The following EPSTI1 variants were observed in gnomAD, a reference collection of about 807,000 sequenced individuals.
EPSTI1 encodes the protein epithelial stromal interaction 1, also known as epithelial-stromal interaction protein 1.
A neutral mutation model predicts 49.9 loss-of-function variants in EPSTI1; 66 were observed. That is an observed-to-expected ratio of 1.32 (90% CI 1.08 to 1.62). The LOEUF (loss-of-function observed/expected upper bound fraction) is 1.62. Among genes scored for constraint, EPSTI1 ranks in the 40% most tolerant of loss-of-function variants. EPSTI1 has a pLI of 0.00. For synonymous variants in EPSTI1, 137 were observed against 130.7 expected (o/e 1.05, Z -0.33); for missense variants, 394 against 365.5 (o/e 1.08, Z -0.64).
chr13:42,911,686 G>A (rs1442117929), intron 8 of EPSTI1, among the ~76,000 whole-genome samples: 1 of 152,030 alleles, frequency 6.6e-6, no homozygotes, highest in East Asian at 1.9e-4. Flanking sequence ...CCGTGTATTT[G>A]CATTTTTACT....
chr13:42,970,840 T>C (rs1167407487), intron 1 of EPSTI1, among the ~76,000 whole-genome samples, 170 bp from the exon 2 acceptor site: 1 of 152,214 alleles, frequency 6.6e-6, no homozygotes, highest in African/African-American at 2.4e-5. Flanking sequence ...GACCTCACAA[T>C]CTTGATGTCA....
chr13:42,953,840 G>A (rs1372532983), intron 6 of EPSTI1, 108 bp downstream of exon 6: 7 of 792,410 alleles, frequency 8.8e-6, no homozygotes, highest in Non-Finnish European at 1.2e-5. Flanking sequence ...TAATACAACA[G>A]CCAATAATCC....
chr13:42,989,844 C>T (rs1296293629), intron 1 of EPSTI1, among the ~76,000 whole-genome samples: 4 of 151,866 alleles, frequency 2.6e-5, no homozygotes, highest in Admixed American at 6.6e-5. Flanking sequence ...CCGCCCTCCT[C>T]GGCCTCCCAA....
At chr13:42,989,595 T>C (rs2153437394) in intron 1 of EPSTI1, among the ~76,000 whole-genome samples, 1 of 108,372 alleles carries the variant, frequency 9.2e-6, no homozygotes, top group East Asian at 2.8e-4. Flanking sequence ...CTTTTTGTTT[T>C]GTTTTGTTTT....
chr13:42,911,269 G>A (rs1000260284), intron 8 of EPSTI1, among the ~76,000 whole-genome samples: 3 of 138,084 alleles, frequency 2.2e-5, no homozygotes, highest in Middle Eastern at 3.6e-3. Context: ...GTGTGTGCGC[G>A]CGCACGCGCG....
intron 1 of EPSTI1, among the ~76,000 whole-genome samples, chr13:42,974,764 C>A (rs1431525792): frequency 6.6e-6 from 1 of 152,056 alleles, no homozygotes; most frequent in Admixed American, 6.5e-5. Flanking sequence ...AATAAGTACT[C>A]TGAAAAAATG....
At chr13:42,949,528 G>A (rs112858736) in intron 6 of EPSTI1, among the ~76,000 whole-genome samples, 3 of 149,066 alleles carry the variant, frequency 2.0e-5, no homozygotes, top group African/African-American at 7.4e-5. Context: ...GGAGGCAGCA[G>A]TTGCAGTGAG....
chr13:42,904,534 T>G (rs2037444805), intron 8 of EPSTI1, among the ~76,000 whole-genome samples: 2 of 152,232 alleles, frequency 1.3e-5, no homozygotes, highest in Admixed American at 6.5e-5. Context: ...CGTATACATC[T>G]CTTGCAGAAG....
rs549382438 is a variant in EPSTI1, at chr13:42,958,983, G to A, written c.489+4272C>T. ...GCATAAAAATAATAATACTCTCTAC[G>A]CCCCCCTTCCAAGAGGTTGATATAA... On this transcript the variant is annotated intron_variant, in intron 5 of 10. Transcript: ENST00000313624. Among the ~76,000 whole-genome samples the A allele has an allele frequency of 3.3e-5, 5 of 152,048 alleles. No homozygotes were observed. The East Asian group carries it at 5.8e-4, about 18-fold the overall frequency.
At chr13:42,894,265 G>T (rs1408164) in intron 10 of EPSTI1, among the ~76,000 whole-genome samples, 77,115 of 152,020 alleles carry the variant, frequency 0.51, 20,199 homozygotes, top group East Asian at 0.79. Flanking sequence ...TTGTTGTATT[G>T]TGACCAATTT....
chr13:42,910,351 T>C (rs2037633634), intron 8 of EPSTI1, among the ~76,000 whole-genome samples: 2 of 147,882 alleles, frequency 1.4e-5, no homozygotes, highest in South Asian at 4.4e-4. Context: ...AACCTCCGGC[T>C]CCTGGGTTCA....
At chr13:42,931,524 C>T (rs1476163686) in intron 6 of EPSTI1, among the ~76,000 whole-genome samples, 1 of 152,230 alleles carries the variant, frequency 6.6e-6, no homozygotes, top group African/African-American at 2.4e-5. Flanking sequence ...GCTTTTAATG[C>T]CAGGGGGCGA....
intron 1 of EPSTI1, among the ~76,000 whole-genome samples, chr13:42,988,899 G>A (rs2040133990): frequency 6.6e-6 from 1 of 151,864 alleles, no homozygotes; most frequent in Non-Finnish European, 1.5e-5. Flanking sequence ...TCACTCTGTT[G>A]CCCAGGCTGG....
chr13:42,989,616 C>CA, intron 1 of EPSTI1, among the ~76,000 whole-genome samples: 1 of 96,912 alleles, frequency 1.0e-5, no homozygotes, highest in African/African-American at 4.2e-5. Context: ...GTTTTTGAGA[C>CA]AGAGTCTCAC....
At chr13:42,911,471 G>A (rs1053198983) in intron 8 of EPSTI1, among the ~76,000 whole-genome samples, 1 of 152,094 alleles carries the variant, frequency 6.6e-6, no homozygotes, top group African/African-American at 2.4e-5. Context: ...GCCTCCTGGG[G>A]GAAGTAATTC....
intron 6 of EPSTI1, among the ~76,000 whole-genome samples, chr13:42,945,494 G>A (rs887222065): frequency 1.1e-4 from 17 of 152,168 alleles, no homozygotes; most frequent in Admixed American, 4.6e-4. Context: ...GGTTCCCCAC[G>A]GTGTGGCTAA....
intron 1 of EPSTI1, among the ~76,000 whole-genome samples, chr13:42,978,189 G>A (rs993164232): frequency 4.6e-5 from 7 of 151,788 alleles, no homozygotes; most frequent in African/African-American, 1.7e-4. Context: ...CCAAGGTTGA[G>A]GACGCACCCA....
At position 42,992,166 on chromosome 13, in the gene EPSTI1, G is replaced by A; in HGVS notation, c.-1C>T. ...TCACCACTCTATTGCGGGTGTTCAT[G>A]GTTCACAGCCCGCGGGTCCCGGGCC... is the stretch of plus-strand genomic sequence containing the variant. On this transcript the variant is annotated 5_prime_UTR_variant, in exon 1 of 11. Coordinates refer to ENST00000313624, the MANE Select transcript of EPSTI1 (RefSeq NM_033255.5). The A allele has an allele frequency of 1.3e-6, 2 of 1,561,960 alleles. No homozygotes were observed. The highest frequency in any genetic ancestry group is 8.6e-7 in the Non-Finnish European group (1 of 1,156,838).
chr13:42,897,772 A>C (rs2037237049), intron 9 of EPSTI1, among the ~76,000 whole-genome samples: 1 of 152,244 alleles, frequency 6.6e-6, no homozygotes, highest in African/African-American at 2.4e-5. Context: ...AGTCAACCAG[A>C]GATAATGGGT....
Sources: allele counts gnomAD v4.1 joint callset (sites outside exome capture counted in the v4.1 genomes callset), GRCh38; gene constraint gnomAD v4.1.1; transcripts MANE v1.5; gene names NCBI Gene and HGNC (gene_info 2026-07-23, HGNC 2026-07-21).